Variants in TTLL11 observed in about 807,000 individuals in gnomAD.
TTLL11 encodes the protein tubulin polyglutamylase TTLL11.
Under a neutral mutation model 51.7 loss-of-function variants are expected in TTLL11, and 42 were observed. That is an observed-to-expected ratio of 0.81 (90% CI 0.64 to 1.05). The LOEUF (loss-of-function observed/expected upper bound fraction) is 1.05, where lower values mean the gene tolerates loss of function less well. TTLL11 is among the 50% of genes least tolerant of loss of function. TTLL11 has a pLI of 0.00. For missense variants in TTLL11, 799 were observed against 940.4 expected, an observed-to-expected ratio of 0.85 and a Z score of 1.97; for synonymous variants, 381 against 383.5, an observed-to-expected ratio of 0.99 and a Z score of 0.08.
chr9:122,016,669 T>C (rs1450597710), intron 3 of TTLL11, among the ~76,000 whole-genome samples: 3 of 152,120 alleles, frequency 2.0e-5, no homozygotes, highest in Non-Finnish European at 4.4e-5. Context: ...AAACACTAAC[T>C]TGGGATGGTA....
At chr9:122,034,853 G>T (rs1844656924) in intron 2 of TTLL11, among the ~76,000 whole-genome samples, 1 of 152,180 alleles carries the variant, frequency 6.6e-6, no homozygotes, top group Non-Finnish European at 1.5e-5. Flanking sequence ...CTAAGCAGCT[G>T]CAGCGCCTGA....
At chr9:121,993,126 T>C (rs1234604359) in intron 3 of TTLL11, among the ~76,000 whole-genome samples, 1 of 150,926 alleles carries the variant, frequency 6.6e-6, no homozygotes, top group Non-Finnish European at 1.5e-5. Context: ...AGGGCTGGGG[T>C]GGGAGGGAAT....
At chr9:121,841,610 G>C (rs1264934704) in intron 8 of TTLL11, among the ~76,000 whole-genome samples, 8 of 152,156 alleles carry the variant, frequency 5.3e-5, no homozygotes, top group Admixed American at 3.3e-4. Flanking sequence ...CTCCCGGGCT[G>C]AGGACACATC....
intron 1 of TTLL11, among the ~76,000 whole-genome samples, chr9:122,088,607 T>C (rs556689854): frequency 6.6e-6 from 1 of 152,306 alleles, no homozygotes; most frequent in African/African-American, 2.4e-5. Flanking sequence ...ATCAAACAAT[T>C]GTATATATGT....
intron 1 of TTLL11, among the ~76,000 whole-genome samples, chr9:122,076,445 T>C (rs1161503317): frequency 2.0e-5 from 3 of 152,296 alleles, no homozygotes; most frequent in East Asian, 1.9e-4. Context: ...GCAAACCTTC[T>C]GTGTTTTGGC....
At chr9:121,979,972 A>G (rs1265408362) in intron 4 of TTLL11, among the ~76,000 whole-genome samples, 1 of 150,910 alleles carries the variant, frequency 6.6e-6, no homozygotes, top group Non-Finnish European at 1.5e-5. Context: ...TTTGTGAATT[A>G]TTTACTGGGC....
intron 8 of TTLL11, among the ~76,000 whole-genome samples, chr9:121,839,295 C>T (rs1244897432): frequency 1.3e-5 from 2 of 152,248 alleles, no homozygotes; most frequent in Non-Finnish European, 2.9e-5. Context: ...CCCATCACCC[C>T]CAGTGCCTGG....
intron 1 of TTLL11, among the ~76,000 whole-genome samples, chr9:122,048,518 C>A (rs929991904): frequency 1.3e-5 from 2 of 152,120 alleles, no homozygotes; most frequent in African/African-American, 4.8e-5. Flanking sequence ...TTTGCTACAA[C>A]TCTTCAATGC....
chr9:121,879,716 T>C (rs34052748), intron 6 of TTLL11, among the ~76,000 whole-genome samples: 14,327 of 150,086 alleles, frequency 0.095, 998 homozygotes, highest in Non-Finnish European at 0.14. Flanking sequence ...CCTATAATCC[T>C]AGCACTTTGG....
chr9:121,936,349 G>T (rs201092827), intron 6 of TTLL11, among the ~76,000 whole-genome samples: 1 of 151,372 alleles, frequency 6.6e-6, no homozygotes, highest in Admixed American at 6.6e-5. Context: ...CTGCAGCCTC[G>T]ATGTCCCAGG....
intron 6 of TTLL11, among the ~76,000 whole-genome samples, chr9:121,920,860 G>A (rs1375752108): frequency 6.6e-6 from 1 of 152,218 alleles, no homozygotes; most frequent in African/African-American, 2.4e-5. Context: ...CAAAGAGGGA[G>A]GAGCATCCTT....
intron 3 of TTLL11, among the ~76,000 whole-genome samples, chr9:122,025,819 T>C (rs901533913): frequency 6.6e-6 from 1 of 152,168 alleles, no homozygotes; most frequent in African/African-American, 2.4e-5. Flanking sequence ...AATGAAAACA[T>C]GTCCACGCAA....
intron 1 of TTLL11, among the ~76,000 whole-genome samples, chr9:122,071,577 G>A (rs537340668): frequency 3.3e-5 from 5 of 152,146 alleles, no homozygotes; most frequent in East Asian, 3.9e-4. Flanking sequence ...AGCAAGCCTC[G>A]CTCTCCCCAG....
At chr9:122,042,476 T>C (rs1414764884) in intron 1 of TTLL11, among the ~76,000 whole-genome samples, 1 of 152,226 alleles carries the variant, frequency 6.6e-6, no homozygotes, top group Non-Finnish European at 1.5e-5. Flanking sequence ...CTGGTGGAAA[T>C]GCAAAATGGT....
At chr9:121,855,220 T>C (rs7047934) in intron 8 of TTLL11, among the ~76,000 whole-genome samples, 2,942 of 152,312 alleles carry the variant, frequency 0.019, 105 homozygotes, top group African/African-American at 0.067. Flanking sequence ...AAGTAGGTTA[T>C]GCGTGGATCA....
intron 1 of TTLL11, among the ~76,000 whole-genome samples, chr9:122,065,978 G>A (rs969546830): frequency 1.1e-4 from 17 of 152,122 alleles, no homozygotes; most frequent in African/African-American, 3.6e-4. Context: ...CCTTCCCAGT[G>A]TACAGTGGAT....
At chr9:121,932,010 A>T (rs1841002985) in intron 6 of TTLL11, among the ~76,000 whole-genome samples, 1 of 152,112 alleles carries the variant, frequency 6.6e-6, no homozygotes, top group Non-Finnish European at 1.5e-5. Flanking sequence ...CTTCAATCAG[A>T]TATTGTCACC....
At chr9:121,997,019 C>T (rs1377533765) in intron 3 of TTLL11, among the ~76,000 whole-genome samples, 1 of 152,170 alleles carries the variant, frequency 6.6e-6, no homozygotes, top group Non-Finnish European at 1.5e-5. Flanking sequence ...CATCACACGG[C>T]TGCTCAAGGC....
intron 6 of TTLL11, among the ~76,000 whole-genome samples, chr9:121,874,403 TAGTA>T (rs1422161960): frequency 6.6e-6 from 1 of 152,242 alleles, no homozygotes; most frequent in African/African-American, 2.4e-5. Flanking sequence ...AAGATTATAA[TAGTA>T]AGTCATGCTC....
Sources: allele counts gnomAD v4.1 joint callset (sites outside exome capture counted in the v4.1 genomes callset), GRCh38; gene constraint gnomAD v4.1.1; transcripts MANE v1.5; gene names NCBI Gene and HGNC (gene_info 2026-07-23, HGNC 2026-07-21).